Variants in TRAPPC6B observed in about 807,000 individuals in gnomAD.
TRAPPC6B encodes the protein TRAPP complex subunit 6B.
In TRAPPC6B, 27 loss-of-function variants were observed where a neutral mutation model predicts 24.7. The observed-to-expected ratio is 1.09, with a 90% CI of 0.81 to 1.51. The LOEUF is 1.51. Among genes scored for constraint, TRAPPC6B ranks in the 40% most tolerant of loss-of-function variants. The probability of loss-of-function intolerance (pLI) is 0.00; values close to 1 mark genes in which losing one functional copy is unlikely to be tolerated. For missense variants in TRAPPC6B, 212 were observed against 190.8 expected (o/e 1.11, Z -0.66); for synonymous variants, 80 against 66.6 (o/e 1.20, Z -0.98).
chr14:39,169,631 C>A (rs913097400), intron 1 of TRAPPC6B, among the ~76,000 whole-genome samples: 20 of 152,310 alleles, frequency 1.3e-4, no homozygotes, highest in Non-Finnish European at 2.2e-4. Flanking sequence ...GGACAGGCTT[C>A]TCAGGTTGGC....
Position 39,150,216 on chromosome 14 carries a change from T to C in TRAPPC6B, c.*134A>G. On this transcript the variant is annotated 3_prime_UTR_variant, in exon 6 of 6. Coordinates refer to ENST00000330149, the MANE Select transcript of TRAPPC6B (RefSeq NM_001079537.2). ...ATGTCCCTTCATCTCCTTTGATCTG[T>C]GTTAAATTGATAAAAATACATGCTT... 1 of 759,802 alleles carries C rather than the reference T, an allele frequency of 1.3e-6. No homozygotes were observed. Among genetic ancestry groups the C allele is most frequent in the South Asian group, 1.7e-5 (1 of 58,892 alleles). The allele number at this position is 759,802 out of a possible 1,614,324, so 47.1% of individuals were successfully genotyped here.
In TRAPPC6B at chr14:39,148,942, G is replaced by A. The variant is rs942440968; in HGVS notation, c.*1408C>T. On this transcript the variant is annotated 3_prime_UTR_variant, in exon 6 of 6. Coordinates refer to ENST00000330149, the MANE Select transcript of TRAPPC6B (RefSeq NM_001079537.2). ...CATATTATTGTAGTGAATACTGTAGGACACTGTAACACAATGGTAAGTACT... is the reference window on the plus strand; with the variant it reads ...CATATTATTGTAGTGAATACTGTAGAACACTGTAACACAATGGTAAGTACT... The A allele has an allele frequency of 1.3e-5, 5 of 392,258 alleles. No homozygotes were observed. The highest frequency in any genetic ancestry group is 2.2e-5 in the Non-Finnish European group (5 of 222,952). The allele number at this position is 392,258 out of a possible 1,614,324, so 24.3% of individuals were successfully genotyped here. A position where few individuals can be genotyped will look rare whatever the true frequency, so the allele number is the denominator to read the frequency against.
intron 5 of TRAPPC6B, among the ~76,000 whole-genome samples, chr14:39,151,389 C>CAAAAAAAAAAAAA (rs11288695): frequency 1.3e-5 from 1 of 78,734 alleles, no homozygotes; most frequent in Non-Finnish European, 2.4e-5. Flanking sequence ...GACTCCGTCT[C>CAAAAAAAAAAAAA]AAAAAAAAAA....
chr14:39,165,133 C>T (rs1254785332), intron 1 of TRAPPC6B, among the ~76,000 whole-genome samples: 1 of 151,492 alleles, frequency 6.6e-6, no homozygotes, highest in African/African-American at 2.4e-5. Flanking sequence ...GCAAGCTCTG[C>T]CTCCCAGGTT....
In TRAPPC6B at chr14:39,150,333, T is replaced by C; in HGVS notation, c.*17A>G. On this transcript the variant is annotated 3_prime_UTR_variant, in exon 6 of 6. Coordinates refer to ENST00000330149, the MANE Select transcript of TRAPPC6B (RefSeq NM_001079537.2). ...TTTATCTCTTTACACTGTTGAAGCC[T>C]TGCATTTCAGTATGTTCTACAGCTT... The C allele has an allele frequency of 6.3e-7, 1 of 1,580,480 alleles. No individual in the cohort carries two copies.
chr14:39,159,399 C>T (rs899217534), intron 2 of TRAPPC6B, 84 bp downstream of exon 2: 25 of 935,600 alleles, frequency 2.7e-5, no homozygotes, highest in Non-Finnish European at 3.4e-5. Flanking sequence ...ATTAAAATAT[C>T]CCAAGTTTTA....
intron 1 of TRAPPC6B, among the ~76,000 whole-genome samples, chr14:39,169,501 T>G (rs1171031808): frequency 6.6e-6 from 1 of 152,212 alleles, no homozygotes; most frequent in Non-Finnish European, 1.5e-5. Flanking sequence ...ATAATTAATT[T>G]AAATTATGTT....
chr14:39,169,396 C>A (rs967222805), intron 1 of TRAPPC6B, among the ~76,000 whole-genome samples: 7 of 152,146 alleles, frequency 4.6e-5, no homozygotes, highest in African/African-American at 1.7e-4. Flanking sequence ...AAAAAAAAAT[C>A]TCTACAAGGA....
chr14:39,158,654 TGAGACCACAG>T (rs1340783976), intron 2 of TRAPPC6B: 2 of 357,844 alleles, frequency 5.6e-6, no homozygotes, highest in Non-Finnish European at 1.0e-5. Context: ...CCCTAGCAGC[TGAGACCACAG>T]GCACATGTCA....
intron 3 of TRAPPC6B, chr14:39,157,960 T>C (rs544189153): frequency 5.0e-6 from 1 of 199,402 alleles, no homozygotes. Flanking sequence ...GGTGATATAT[T>C]TGTGGTTCTG....
rs568331827 is a variant in TRAPPC6B, at chr14:39,149,430, T to G, written c.*920A>C. The G allele has an allele frequency of 2.0e-5, 3 of 152,234 alleles. No individual in the cohort carries two copies. The highest frequency in any genetic ancestry group is 1.3e-4 in the Admixed American group (2 of 15,270). The allele number at this position is 152,234 out of a possible 1,614,324, so 9.4% of individuals were successfully genotyped here. ...AACAAAAGCTGGAGATAACTGCTTA[T>G]GCCAGATAATTTAAGTAAGAGAAAG... On this transcript the variant is annotated 3_prime_UTR_variant, in exon 6 of 6. Coordinates refer to ENST00000330149, the MANE Select transcript of TRAPPC6B (RefSeq NM_001079537.2).
At chr14:39,150,411 A>AT (rs1426367302) in intron 5 of TRAPPC6B, 30 bp from the exon 6 acceptor site, 2 of 1,480,582 alleles carry the variant, frequency 1.4e-6, no homozygotes, top group Non-Finnish European at 1.8e-6. Flanking sequence ...TAATTCTTTG[A>AT]TTTTAGATAC....
At chr14:39,166,255 T>TA (rs907540561) in intron 1 of TRAPPC6B, among the ~76,000 whole-genome samples, 1,525 of 106,696 alleles carry the variant, frequency 0.014, 16 homozygotes, top group African/African-American at 0.03. Context: ...ACTTGTCTCT[T>TA]AAAAAAAAAA....
At chr14:39,166,255 TAAAAAA>T (rs907540561) in intron 1 of TRAPPC6B, among the ~76,000 whole-genome samples, 1 of 106,764 alleles carries the variant, frequency 9.4e-6, no homozygotes, top group Non-Finnish European at 2.2e-5. Flanking sequence ...ACTTGTCTCT[TAAAAAA>T]AAAAAAAACA....
chr14:39,169,815 CG>C (rs1222912425), intron 1 of TRAPPC6B, among the ~76,000 whole-genome samples, 199 bp downstream of exon 1: 7 of 152,088 alleles, frequency 4.6e-5, no homozygotes, highest in African/African-American at 1.7e-4. Context: ...GAAGAAGATA[CG>C]AAAGAGAAAA....
At position 39,149,460 on chromosome 14, in the gene TRAPPC6B, T is replaced by A. The variant is rs540998577; in HGVS notation, c.*890A>T. 5 of 152,276 alleles carry A rather than the reference T, an allele frequency of 3.3e-5. No individual in the cohort carries two copies. The highest frequency in any genetic ancestry group is 1.2e-4 in the African/African-American group (5 of 41,564). 9.4% of individuals were successfully genotyped at this position (152,276 alleles called of 1,614,324 possible). A position where few individuals can be genotyped will look rare whatever the true frequency, so the allele number is the denominator to read the frequency against. ...GATAATTTAAGTAAGAGAAAGTAAG[T>A]AGAAGAGGTGGTAAGAAAGATATAT... On this transcript the variant is annotated 3_prime_UTR_variant, in exon 6 of 6. Coordinates refer to ENST00000330149, the MANE Select transcript of TRAPPC6B (RefSeq NM_001079537.2).
At chr14:39,169,478 A>C (rs2053142659) in intron 1 of TRAPPC6B, among the ~76,000 whole-genome samples, 2 of 152,166 alleles carry the variant, frequency 1.3e-5, no homozygotes, top group African/African-American at 4.8e-5. Flanking sequence ...GCACTAAATA[A>C]ATACTTTCTG....
intron 4 of TRAPPC6B, among the ~76,000 whole-genome samples, chr14:39,153,489 G>A (rs376247579): frequency 9.2e-5 from 14 of 151,666 alleles, no homozygotes; most frequent in East Asian, 5.8e-4. Context: ...AATTAGCCAG[G>A]CATGGTGGCC....
At chr14:39,165,862 GAC>G (rs113456311) in intron 1 of TRAPPC6B, among the ~76,000 whole-genome samples, 9,774 of 152,092 alleles carry the variant, frequency 0.064, 1,062 homozygotes, top group African/African-American at 0.22. Context: ...GGAGTGCAGT[GAC>G]ACAATCTCGG....
Sources: gnomAD v4.1 joint callset for allele counts (sites outside exome capture counted in the v4.1 genomes callset) on GRCh38, gnomAD v4.1.1 for gene constraint, MANE v1.5 for transcripts, NCBI Gene and HGNC (gene_info 2026-07-23, HGNC 2026-07-21) for gene names.